PTPN23: variants seen among roughly 807,000 people sequenced by gnomAD.
PTPN23 encodes protein tyrosine phosphatase non-receptor type 23.
Under a neutral mutation model 156.3 loss-of-function variants are expected in PTPN23, and 72 were observed. That is an observed-to-expected ratio of 0.46 (90% CI 0.38 to 0.56). The LOEUF is 0.56. PTPN23 is among the 20% of genes least tolerant of loss of function. The probability of loss-of-function intolerance (pLI) is 0.00; values close to 1 mark genes in which losing one functional copy is unlikely to be tolerated. For missense variants in PTPN23, 1,974 were observed against 2,171.5 expected (o/e 0.91, Z 1.81); for synonymous variants, 957 against 899.6 (o/e 1.06, Z -1.14).
rs1313820624 is a variant in PTPN23, at chr3:47,409,118, C to T, written c.1642+31C>T. On this transcript the variant is annotated intron_variant, in intron 16 of 24. Transcript: ENST00000265562. ...CCCCACCAGACCCCATTGGGAGACT[C>T]GAGCTGGGGGTTTCTCTGGCCTCAC... 10 of 1,606,448 alleles carry T rather than the reference C, an allele frequency of 6.2e-6. No individual in the cohort carries two copies. The Admixed American group carries it at 6.7e-5, about 11-fold the overall frequency.
At position 47,413,112 on chromosome 3, in the gene PTPN23, GGCT is replaced by G; in HGVS notation, c.4841_4843del (p.Leu1614del). The stretch of plus-strand genomic sequence containing the variant: ...TTTCTGCAGGCCCATAACGGGCAAG[GGCT>G]GCGGGCCACCCGGCCCTCTGACGAC... On this transcript the variant is annotated inframe_deletion, in exon 25 of 25. Transcript: ENST00000265562. 2 of 1,612,886 alleles carry G rather than the reference GGCT, an allele frequency of 1.2e-6. No individual in the cohort carries two copies. The highest frequency in any genetic ancestry group is 1.7e-6 in the Non-Finnish European group (2 of 1,180,022).
In PTPN23 at chr3:47,411,905, G is replaced by A; in HGVS notation, c.4011G>A (p.Gln1337=). 3.7e-6 allele frequency: 6 copies of A among 1,613,474 alleles called. No individual in the cohort carries two copies. Among genetic ancestry groups the A allele is most frequent in the Non-Finnish European group, 5.1e-6 (6 of 1,180,026 alleles). The change falls in exon 21 of 25, where the codon CAG becomes CAA. Residue 1337 remains glutamine, a synonymous_variant. Transcript: ENST00000265562. This position sits in a 1 kb window ranked among gnomAD's most constrained non-coding sequence, Gnocchi z 6.3. ...ETHVERVLSL[Q]FRDQSLKRSL... ...ATGTGGAGCGCGTGCTGAGCCTGCA[G>A]TTCCGAGACCAGAGCCTCAAGCGCT...
chr3:47,405,671 C>T lies in PTPN23; in HGVS notation c.365-78C>T. On this transcript the variant is annotated intron_variant, in intron 4 of 24. Coordinates refer to ENST00000265562, the MANE Select transcript of PTPN23 (RefSeq NM_015466.4). This position sits in a 1 kb window ranked among gnomAD's most constrained non-coding sequence, Gnocchi z 4.7. ...GCCATGTTGTCCTGATTGTGGATAA[C>T]AGCAGTGCCCCCTCTGTCTCACCTT... 1 of 1,427,670 alleles carries T rather than the reference C, an allele frequency of 7.0e-7. No individual in the cohort carries two copies. The highest frequency in any genetic ancestry group is 9.6e-7 in the Non-Finnish European group (1 of 1,036,792). 88.4% of individuals were successfully genotyped at this position (1,427,670 alleles called of 1,614,324 possible). A position where few individuals can be genotyped will look rare whatever the true frequency, so the allele number is the denominator to read the frequency against.
rs754773578 is a variant in PTPN23 at position 47,410,081 on chromosome 3, C to G, written c.2283C>G (p.Thr761=). ...TGGCTGGCCCACGACTGCCTGACAC[C>G]TTCCTGGGAAGTGCCACCCCGCTCC... ...DMVAGPRLPD[T]FLGSATPLHF... The change falls in exon 20 of 25, where the codon ACC becomes ACG. Residue 761 remains threonine, a synonymous_variant. Transcript: ENST00000265562. 14 of 1,611,508 alleles carry G rather than the reference C, an allele frequency of 8.7e-6. No individual in the cohort carries two copies. Among genetic ancestry groups the G allele is most frequent in the Non-Finnish European group, 9.3e-6 (11 of 1,178,946 alleles).
chr3:47,392,635 T>C (rs1005374410), intron 1 of PTPN23, among the ~76,000 whole-genome samples: 1 of 152,158 alleles, frequency 6.6e-6, no homozygotes, highest in Admixed American at 6.6e-5. Context: ...TAAATCCTTA[T>C]GTTTGTGCAT....
rs181055335 is a variant in PTPN23, at chr3:47,398,860, C to T, written c.159+2643C>T. ...GATTAAAGGCATGAGCCGCAGCACCCGGCCTTGTAAACTTAAGGTCTTCAC... is the reference window on the plus strand; with the variant it reads ...GATTAAAGGCATGAGCCGCAGCACCTGGCCTTGTAAACTTAAGGTCTTCAC... On this transcript the variant is annotated intron_variant, in intron 2 of 24. Coordinates refer to ENST00000265562, the MANE Select transcript of PTPN23 (RefSeq NM_015466.4). Among the ~76,000 whole-genome samples the T allele has an allele frequency of 1.4e-3, 214 of 152,370 alleles. No homozygotes were observed. In the Middle Eastern group the frequency reaches 0.024, roughly 17 times the overall value.
Position 47,410,223 on chromosome 3 carries a change from G to A in PTPN23, c.2425G>A (p.Gly809Arg), listed in dbSNP as rs369303208. Residue 809 changes from glycine (G) to arginine (R), a missense_variant, in exon 20 of 25, where the codon GGG becomes AGG. Physicochemically the swap from Gly to Arg is moderately radical, Grantham distance 125. Transcript: ENST00000265562. ...CCAGCTGATACAGCCCAGGGCCCCA[G>A]GGCCCCATGCAATGCCCGTAGCACC... ...PTQLIQPRAP[G>R]PHAMPVAPGP... 108 of 1,611,262 alleles carry A rather than the reference G, an allele frequency of 6.7e-5. No homozygotes were observed. Among genetic ancestry groups the A allele is most frequent in the Middle Eastern group, 1.6e-4 (1 of 6,068 alleles).
chr3:47,412,246 C>T, intron 22 of PTPN23, 37 bp from the exon 23 acceptor site: 2 of 1,613,062 alleles, frequency 1.2e-6, no homozygotes, highest in Non-Finnish European at 1.7e-6. Context: ...CTTGGCCTAG[C>T]CTCATACCCC....
In PTPN23 at chr3:47,406,768, G is replaced by A; in HGVS notation, c.807+18G>A. ...GGGAGCGGGTGAGCTACAGCGAGGAGGGGACTGGGGACCAATGGCAGCCTT... is the reference window on the plus strand; with the variant it reads ...GGGAGCGGGTGAGCTACAGCGAGGAAGGGACTGGGGACCAATGGCAGCCTT... On this transcript the variant is annotated intron_variant, in intron 9 of 24. Transcript: ENST00000265562. The surrounding 1 kb of genome is among the most constrained non-coding windows in gnomAD (Gnocchi z 5.8). 6.2e-7 allele frequency: 1 copy of A among 1,613,110 alleles called. No homozygotes were observed. Among genetic ancestry groups the A allele is most frequent in the Non-Finnish European group, 8.5e-7 (1 of 1,179,784 alleles).
intron 1 of PTPN23, among the ~76,000 whole-genome samples, chr3:47,382,326 T>A (rs1704561100): frequency 6.6e-6 from 1 of 151,026 alleles, no homozygotes; most frequent in South Asian, 2.1e-4. Flanking sequence ...TTCCTACCTT[T>A]TTTTTTTTTT....
At chr3:47,381,708 A>G (rs757826404) in intron 1 of PTPN23, among the ~76,000 whole-genome samples, 5 of 152,186 alleles carry the variant, frequency 3.3e-5, no homozygotes, top group African/African-American at 4.8e-5. Context: ...TTGTTTTACA[A>G]TTGCTGCGAT....
chr3:47,413,252 G>A lies in PTPN23; in HGVS notation c.*67G>A, dbSNP rs976342215. 2 of 1,537,754 alleles carry A rather than the reference G, an allele frequency of 1.3e-6. No individual in the cohort carries two copies. Among genetic ancestry groups the A allele is most frequent in the Non-Finnish European group, 1.8e-6 (2 of 1,136,770 alleles). ...TCTCATGCCCACCTGCCCACACCCA[G>A]CAGAGCTTCTCAGTGGGCACAGTCT... On this transcript the variant is annotated 3_prime_UTR_variant, in exon 25 of 25. Transcript: ENST00000265562.
rs754546656 is a variant in PTPN23 at position 47,406,558 on chromosome 3, G to A, written c.705G>A (p.Lys235=). 4 of 1,614,052 alleles carry A rather than the reference G, an allele frequency of 2.5e-6. No individual in the cohort carries two copies. In the South Asian group the frequency reaches 3.3e-5, roughly 13 times the overall value. ...CCTCACTGCTGGGCCGGATCCAGAA[G>A]GACTGGAAGAAACTTGTGCAGATGA... ...DTASLLGRIQ[K]DWKKLVQMKI... Residue 235 remains lysine (K), a synonymous_variant, in exon 8 of 25, where the codon AAG becomes AAA. Coordinates refer to ENST00000265562, the MANE Select transcript of PTPN23 (RefSeq NM_015466.4). The surrounding 1 kb of genome is among the most constrained non-coding windows in gnomAD (Gnocchi z 5.8).
chr3:47,388,275 C>T (rs1576210537), intron 1 of PTPN23, among the ~76,000 whole-genome samples: 1 of 152,138 alleles, frequency 6.6e-6, no homozygotes, highest in East Asian at 1.9e-4. Context: ...AAGGCACGAT[C>T]TTGGCACACT....
intron 2 of PTPN23, among the ~76,000 whole-genome samples, chr3:47,403,534 T>C (rs1705049721): frequency 6.6e-6 from 1 of 152,120 alleles, no homozygotes; most frequent in African/African-American, 2.4e-5. Flanking sequence ...GTTTTACCTT[T>C]TGCTTTTTTT....
chr3:47,407,265 C>G lies in PTPN23; in HGVS notation c.865-44C>G. On this transcript the variant is annotated intron_variant, in intron 10 of 24. Coordinates refer to ENST00000265562, the MANE Select transcript of PTPN23 (RefSeq NM_015466.4). The surrounding 1 kb of genome is among the most constrained non-coding windows in gnomAD (Gnocchi z 4.0). ...GACTGAGGGGGTGTCCTGGTGCCAG[C>G]CTTGGTTAGTGCTAAGGCCCCACCC... The G allele has an allele frequency of 6.2e-7, 1 of 1,613,434 alleles. No homozygotes were observed. Among genetic ancestry groups the G allele is most frequent in the South Asian group, 1.1e-5 (1 of 91,036 alleles).
chr3:47,391,144 GGA>G, intron 1 of PTPN23, among the ~76,000 whole-genome samples: 1 of 152,288 alleles, frequency 6.6e-6, no homozygotes, highest in South Asian at 2.1e-4. Flanking sequence ...GGCTGAGGCA[GGA>G]GAATTACTTG....
chr3:47,410,660 GCCCCAGCCCCA>G lies in PTPN23; in HGVS notation c.2863_2873del (p.Pro955SerfsTer123), dbSNP rs1559528509. On this transcript the variant is annotated frameshift_variant, in exon 20 of 25. Transcript: ENST00000265562. LOFTEE classifies it high-confidence loss of function. Reference sequence around the variant, plus strand: ...TTCCAGCCCCAAGGATTGGGCCCCAGCCCCAGCCCCATCCTCAGCCCCATCCTTCACAAGCG... The same window carrying G: ...TTCCAGCCCCAAGGATTGGGCCCCAGTCCTCAGCCCCATCCTTCACAAGCG... 6.2e-7 allele frequency: 1 copy of G among 1,610,206 alleles called. No homozygotes were observed. The highest frequency in any genetic ancestry group is 8.5e-7 in the Non-Finnish European group (1 of 1,178,884).
At chr3:47,403,200 C>A (rs183440700) in intron 2 of PTPN23, among the ~76,000 whole-genome samples, 57 of 152,134 alleles carry the variant, frequency 3.7e-4, no homozygotes, top group Non-Finnish European at 6.0e-4. Context: ...CTACAGGTGC[C>A]TGCCACCACG....
Sources: allele counts gnomAD v4.1 joint callset (sites outside exome capture counted in the v4.1 genomes callset), GRCh38; gene constraint gnomAD v4.1.1; non-coding constraint Gnocchi (gnomAD v3.1); transcripts MANE v1.5; gene names NCBI Gene and HGNC (gene_info 2026-07-23, HGNC 2026-07-21).